The following ARHGAP21 variants were observed in gnomAD, a reference collection of about 807,000 sequenced individuals.
The protein encoded by ARHGAP21 is Rho GTPase activating protein 21.
Under a neutral mutation model 164.6 loss-of-function variants are expected in ARHGAP21, and 38 were observed. That is an observed-to-expected ratio of 0.23 (90% CI 0.18 to 0.30). The LOEUF (loss-of-function observed/expected upper bound fraction) is 0.30. Among genes scored for constraint, ARHGAP21 ranks in the 10% least tolerant of loss-of-function variants. The pLI, the probability that ARHGAP21 is intolerant of heterozygous loss-of-function variation, is 1.00. For synonymous variants in ARHGAP21, 766 were observed against 857.9 expected (o/e 0.89, Z 1.87); for missense variants, 1,822 against 2,370.7 (o/e 0.77, Z 4.81).
In ARHGAP21 at chr10:24,709,075, C is replaced by T. The variant is rs552680676; in HGVS notation, c.63+12762G>A. On this transcript the variant is annotated intron_variant, in intron 2 of 25. Coordinates refer to ENST00000396432, the MANE Select transcript of ARHGAP21 (RefSeq NM_020824.4). ...AAAAAATCAGATATGAAAAAGGAGA[C>T]GTTACAACTGATACCACAGAAATAC... Among the ~76,000 whole-genome samples the T allele has an allele frequency of 4.6e-5, 7 of 152,178 alleles. No homozygotes were observed. The East Asian group carries it at 5.8e-4, about 13-fold the overall frequency.
At chr10:24,662,765 T>C (rs1839835287) in intron 4 of ARHGAP21, among the ~76,000 whole-genome samples, 2 of 152,222 alleles carry the variant, frequency 1.3e-5, no homozygotes, top group Admixed American at 1.3e-4. Flanking sequence ...TTTCTATTTC[T>C]CTCATTTTAA....
intron 7 of ARHGAP21, among the ~76,000 whole-genome samples, chr10:24,626,853 T>C (rs1360450546): frequency 6.6e-6 from 1 of 152,222 alleles, no homozygotes; most frequent in Non-Finnish European, 1.5e-5. Context: ...ATGAATGTAA[T>C]ACTATTTATA....
At chr10:24,596,490 C>A (rs77948688) in intron 17 of ARHGAP21, 2 of 554,464 alleles carry the variant, frequency 3.6e-6, no homozygotes, top group Non-Finnish European at 6.2e-6. Context: ...CAGAAACACA[C>A]GATTTGAAGA....
At position 24,679,642 on chromosome 10, in the gene ARHGAP21, A is replaced by AT. The variant is rs199980899; in HGVS notation, c.64-9246dup. Among the ~76,000 whole-genome samples, 1,508 of 152,312 alleles carry AT rather than the reference A, an allele frequency of 9.9e-3. 21 individuals are homozygous for AT. Among genetic ancestry groups the AT allele is most frequent in the East Asian group, 0.038 (196 of 5,184 alleles). On this transcript the variant is annotated intron_variant, in intron 2 of 25. Transcript: ENST00000396432. Reference sequence around the variant, plus strand: ...GGACTTGGTATTGCCACTATTGTTTATTTTAGCCATTGTGACAAGTGGATA... The same window carrying AT: ...GGACTTGGTATTGCCACTATTGTTTATTTTTAGCCATTGTGACAAGTGGATA...
chr10:24,677,591 G>A (rs932656895), intron 2 of ARHGAP21, among the ~76,000 whole-genome samples: 5 of 152,234 alleles, frequency 3.3e-5, no homozygotes, highest in South Asian at 2.1e-4. Flanking sequence ...AGGATTTAGC[G>A]GAGCATAACA....
chr10:24,658,058 A>ATT (rs374605675), intron 4 of ARHGAP21, among the ~76,000 whole-genome samples: 130 of 7,224 alleles, frequency 0.018, no homozygotes, highest in Admixed American at 0.067. Flanking sequence ...AAAAAAATAA[A>ATT]TTAAAAAAAA....
At position 24,597,651 on chromosome 10, in the gene ARHGAP21, G is replaced by A. The variant is rs189107868; in HGVS notation, c.3198-68C>T. 1,353 of 1,578,850 alleles carry A rather than the reference G, an allele frequency of 8.6e-4. 1 individual carries two copies. Among genetic ancestry groups the A allele is most frequent in the Non-Finnish European group, 6.6e-4 (764 of 1,162,478 alleles). ...CCTCTATCTATGGTTTCAGTTACCC[G>A]TGGTGAGCCATGGTCTGAAAATATT... On this transcript the variant is annotated intron_variant, in intron 15 of 25. Coordinates refer to ENST00000396432, the MANE Select transcript of ARHGAP21 (RefSeq NM_020824.4).
chr10:24,592,372 C>T (rs1001382033), intron 21 of ARHGAP21, among the ~76,000 whole-genome samples: 6 of 151,944 alleles, frequency 3.9e-5, no homozygotes, highest in South Asian at 2.1e-4. Flanking sequence ...GTGTACAAAA[C>T]GTTTTTTCTG....
intron 9 of ARHGAP21, among the ~76,000 whole-genome samples, chr10:24,617,814 C>G (rs1834126388): frequency 8.8e-6 from 1 of 113,474 alleles, no homozygotes; most frequent in African/African-American, 2.7e-5. Flanking sequence ...AACTAGTACT[C>G]AAAGAGAAGC....
intron 15 of ARHGAP21, 68 bp from the exon 16 acceptor site, chr10:24,597,651 G>C (rs189107868): frequency 6.3e-7 from 1 of 1,578,732 alleles, no homozygotes; most frequent in East Asian, 2.2e-5. Context: ...TCAGTTACCC[G>C]TGGTGAGCCA....
chr10:24,610,248 G>A (rs975498014), intron 9 of ARHGAP21, among the ~76,000 whole-genome samples: 8 of 151,962 alleles, frequency 5.3e-5, no homozygotes, highest in Non-Finnish European at 8.8e-5. Flanking sequence ...ATGGTGGTGC[G>A]CGCCTGTAGT....
At chr10:24,633,857 T>G (rs1341601275) in intron 5 of ARHGAP21, among the ~76,000 whole-genome samples, 1 of 147,502 alleles carries the variant, frequency 6.8e-6, no homozygotes. Flanking sequence ...ACTAATTATC[T>G]CTCCACGTAC....
chr10:24,642,469 C>T (rs961015599), intron 4 of ARHGAP21, among the ~76,000 whole-genome samples: 11 of 145,754 alleles, frequency 7.5e-5, no homozygotes, highest in Admixed American at 4.8e-4. Flanking sequence ...GAGCCAAGAT[C>T]GCGCCACTGC....
intron 2 of ARHGAP21, among the ~76,000 whole-genome samples, chr10:24,675,897 C>T (rs1487328780): frequency 6.6e-6 from 1 of 152,184 alleles, no homozygotes; most frequent in Non-Finnish European, 1.5e-5. Flanking sequence ...CCTGTAATCA[C>T]AGCACTTTGG....
intron 3 of ARHGAP21, among the ~76,000 whole-genome samples, chr10:24,668,812 C>CAAT (rs533140086): frequency 3.3e-5 from 5 of 151,746 alleles, no homozygotes; most frequent in Non-Finnish European, 4.4e-5. Context: ...AAATATTTTC[C>CAAT]AATAATAATA....
In ARHGAP21 at chr10:24,722,021, T is replaced by C. The variant is rs929497973; in HGVS notation, c.-122A>G. On this transcript the variant is annotated 5_prime_UTR_variant, in exon 2 of 26. Transcript: ENST00000396432. ...AGCAGGCTCCGAGGAGGGGCAGGGC[T>C]GTTGAAACAGACAACGTGCCAGGGA... 2.9e-6 allele frequency: 3 copies of C among 1,032,020 alleles called. No homozygotes were observed. In the Admixed American group the frequency reaches 6.0e-5, roughly 21 times the overall value. 63.9% of individuals were successfully genotyped at this position (1,032,020 alleles called of 1,614,324 possible). A position where few individuals can be genotyped will look rare whatever the true frequency, so the allele number is the denominator to read the frequency against.
chr10:24,586,108 TG>T lies in ARHGAP21; in HGVS notation c.4183-3del, dbSNP rs753509861. On this transcript the variant is annotated splice_region_variant and splice_polypyrimidine_tract_variant and intron_variant, in intron 25 of 25. Coordinates refer to ENST00000396432, the MANE Select transcript of ARHGAP21 (RefSeq NM_020824.4). ...ATCCTTTCCAGATCCCCAAGAACCCTGGGAAGCAAGAGAGAAGAAAGACTCT... is the reference window on the plus strand; with the variant it reads ...ATCCTTTCCAGATCCCCAAGAACCCTGGAAGCAAGAGAGAAGAAAGACTCT... The T allele has an allele frequency of 2.5e-6, 4 of 1,568,690 alleles. No individual in the cohort carries two copies. The highest frequency in any genetic ancestry group is 2.6e-6 in the Non-Finnish European group (3 of 1,162,262).
In ARHGAP21 at chr10:24,634,996, G is replaced by A. The variant is rs1222757049; in HGVS notation, c.361+15C>T. Reference sequence around the variant, plus strand: ...AAGAAATTAAAACGTATTGTTTAAAGAAGAATATCAGCACCTGTACATAAT... The same window carrying A: ...AAGAAATTAAAACGTATTGTTTAAAAAAGAATATCAGCACCTGTACATAAT... On this transcript the variant is annotated intron_variant, in intron 5 of 25. Transcript: ENST00000396432. 1.3e-6 allele frequency: 2 copies of A among 1,499,278 alleles called. No individual in the cohort carries two copies. The highest frequency in any genetic ancestry group is 2.8e-5 in the African/African-American group (2 of 70,858). 92.9% of individuals were successfully genotyped at this position (1,499,278 alleles called of 1,614,324 possible). A position where few individuals can be genotyped will look rare whatever the true frequency, so the allele number is the denominator to read the frequency against.
chr10:24,689,179 C>T (rs1593294265), intron 2 of ARHGAP21, among the ~76,000 whole-genome samples: 2 of 152,148 alleles, frequency 1.3e-5, no homozygotes, highest in Admixed American at 6.5e-5. Flanking sequence ...GGACTAGAAC[C>T]TCAGTTTCCA....
Sources: allele counts gnomAD v4.1 joint callset (sites outside exome capture counted in the v4.1 genomes callset), GRCh38; gene constraint gnomAD v4.1.1; transcripts MANE v1.5; gene names NCBI Gene and HGNC (gene_info 2026-07-23, HGNC 2026-07-21).